CCDC144A: variants seen among roughly 807,000 people sequenced by gnomAD.
The protein encoded by CCDC144A is coiled-coil domain containing 144A.
CCDC144A carries 41 observed loss-of-function variants against 143.8 expected under a neutral mutation model. The observed-to-expected ratio is 0.29, with a 90% CI of 0.22 to 0.37. CCDC144A has a LOEUF of 0.37. Ranked by LOEUF, CCDC144A falls within the 10% of genes least tolerant of loss-of-function variation. CCDC144A has a pLI of 1.00. For synonymous variants in CCDC144A, 242 were observed against 517.9 expected (o/e 0.47, Z 7.23); for missense variants, 637 against 1,488.8 (o/e 0.43, Z 9.41).
Position 16,711,855 on chromosome 17 carries a change from A to T in CCDC144A, c.1715+40A>T, listed in dbSNP as rs1186017688. The T allele has an allele frequency of 1.2e-5, 19 of 1,573,180 alleles. No individual in the cohort carries two copies. The African/African-American group carries it at 2.2e-4, about 18-fold the overall frequency. On this transcript the variant is annotated intron_variant, in intron 6 of 16. Transcript: ENST00000399273. ...GCGTTTAACAGGAGACAATTGGTCA[A>T]GCGTGGTGGCTCACGCCTGTAATCC...
At chr17:16,686,935 G>T (rs1263477144), upstream of CCDC144A, among the ~76,000 whole-genome samples, 1 of 152,122 alleles carries the variant, frequency 6.6e-6, no homozygotes, top group Non-Finnish European at 1.5e-5. Context: ...GTGTGGAGGT[G>T]CAGGACCTGG....
rs779878298 is a variant in CCDC144A, at chr17:16,720,249, A to G, written c.1749+18A>G. 1.2e-5 allele frequency: 18 copies of G among 1,519,162 alleles called. No individual in the cohort carries two copies. In the African/African-American group the frequency reaches 2.5e-4, roughly 21 times the overall value. 94.1% of individuals were successfully genotyped at this position (1,519,162 alleles called of 1,614,324 possible). ...AGAACGAGGTATTGTAAAAAAGGAA[A>G]TGATCTAAAATATTGTTTTTAAAAA... On this transcript the variant is annotated intron_variant, in intron 7 of 16. Transcript: ENST00000399273.
At chr17:16,693,716 A>G (rs946204908) in intron 2 of CCDC144A, among the ~76,000 whole-genome samples, 2 of 151,996 alleles carry the variant, frequency 1.3e-5, no homozygotes, top group African/African-American at 4.8e-5. Context: ...TTTAATTTTT[A>G]AAATAAATGA....
intron 12 of CCDC144A, among the ~76,000 whole-genome samples, chr17:16,747,501 T>C (rs1351033141): frequency 6.6e-6 from 1 of 152,342 alleles, no homozygotes; most frequent in South Asian, 2.1e-4. Flanking sequence ...GTAGATTGCT[T>C]TGGGCAGTAT....
chr17:16,685,515 G>T (rs1190063244), upstream of CCDC144A, among the ~76,000 whole-genome samples: 3 of 151,840 alleles, frequency 2.0e-5, no homozygotes, highest in African/African-American at 7.3e-5. Context: ...TGAGTAACTG[G>T]GATTACAGGT....
chr17:16,684,165 A>G, the CCDC144A span: 1 of 1,145,202 alleles, frequency 8.7e-7, no homozygotes, highest in Non-Finnish European at 1.3e-6. Flanking sequence ...GCAGGGAAAG[A>G]GGTGATCAAC....
the CCDC144A span, among the ~76,000 whole-genome samples, chr17:16,669,432 T>C: frequency 6.6e-6 from 1 of 152,262 alleles, no homozygotes; most frequent in African/African-American, 2.4e-5. Context: ...AGGGCATTGA[T>C]AATGTGTACT....
At chr17:16,741,578 C>G (rs1231299961) in intron 12 of CCDC144A, among the ~76,000 whole-genome samples, 2 of 152,114 alleles carry the variant, frequency 1.3e-5, no homozygotes, top group Admixed American at 1.3e-4. Context: ...CACCCATAGT[C>G]TGTATATAGG....
At chr17:16,667,256 G>A in the CCDC144A span, 2 of 240,036 alleles carry the variant, frequency 8.3e-6, no homozygotes, top group Non-Finnish European at 1.6e-5. Context: ...TGAGGCGGCT[G>A]AGGCGGCTGA....
the CCDC144A span, among the ~76,000 whole-genome samples, chr17:16,681,918 G>T: frequency 6.6e-6 from 1 of 151,824 alleles, no homozygotes; most frequent in East Asian, 1.9e-4. Flanking sequence ...GCATACTGTG[G>T]TTGCTGTGTA....
chr17:16,750,405 A>G (rs1278059431), intron 12 of CCDC144A, among the ~76,000 whole-genome samples: 1 of 148,116 alleles, frequency 6.8e-6, no homozygotes, highest in Non-Finnish European at 1.5e-5. Flanking sequence ...TGCTGACAAC[A>G]GGCCCCACTT....
chr17:16,690,148 C>T, upstream of CCDC144A: 3 of 343,228 alleles, frequency 8.7e-6, no homozygotes. Flanking sequence ...TTCTGGGAGG[C>T]TGGAGCTGCA....
At chr17:16,769,131 C>A (rs1467739171) in intron 15 of CCDC144A, among the ~76,000 whole-genome samples, 1 of 152,076 alleles carries the variant, frequency 6.6e-6, no homozygotes, top group Non-Finnish European at 1.5e-5. Flanking sequence ...ATGCTTGACA[C>A]CCATCGCAGG....
chr17:16,766,901 TGTTAA>T (rs1915621648), intron 15 of CCDC144A: 1 of 83,814 alleles, frequency 1.2e-5, no homozygotes, highest in Non-Finnish European at 3.7e-5. Context: ...TTAAAGTTAA[TGTTAA>T]TGTAGTAGTT....
In CCDC144A at chr17:16,690,529, C is replaced by A. The variant is rs769731047; in HGVS notation, c.129C>A (p.Asp43Glu). ...GDQWYLGYPG[D>E]QWSSGFPYSW... ...AGTGGTACTTGGGCTACCCGGGGGA[C>A]CAGTGGTCCTCGGGCTTCCCCTACA... is the stretch of plus-strand genomic sequence containing the variant. The change falls in exon 1 of 17, where the codon GAC becomes GAA. Residue 43 changes from aspartate (D) to glutamate (E), a missense_variant. Asp to Glu is a conservative substitution (Grantham distance 45, BLOSUM62 2). Coordinates refer to ENST00000399273, the MANE Select transcript of CCDC144A (RefSeq NM_001382000.1). 4 of 1,613,590 alleles carry A rather than the reference C, an allele frequency of 2.5e-6. No homozygotes were observed. Among genetic ancestry groups the A allele is most frequent in the East Asian group, 4.5e-5 (2 of 44,868 alleles).
intron 2 of CCDC144A, among the ~76,000 whole-genome samples, chr17:16,698,665 T>C (rs1330931130): frequency 2.6e-5 from 4 of 152,166 alleles, no homozygotes; most frequent in Non-Finnish European, 2.9e-5. Flanking sequence ...CTTGATAGGC[T>C]CTTCTGAATG....
At chr17:16,753,342 C>A (rs1475167297) in intron 12 of CCDC144A, among the ~76,000 whole-genome samples, 2 of 150,204 alleles carry the variant, frequency 1.3e-5, no homozygotes, top group Admixed American at 1.3e-4. Flanking sequence ...GTAATAAGGT[C>A]ATTTAACCAA....
chr17:16,679,117 C>G, the CCDC144A span, among the ~76,000 whole-genome samples: 6 of 151,880 alleles, frequency 4.0e-5, no homozygotes, highest in South Asian at 1.3e-3. Flanking sequence ...GTTGCCCAAG[C>G]TGGTCTTGAA....
At chr17:16,675,330 C>A in the CCDC144A span, among the ~76,000 whole-genome samples, 1 of 147,602 alleles carries the variant, frequency 6.8e-6, no homozygotes. Flanking sequence ...AAAAAGTATT[C>A]AGGGATAAAG....
Sources: gnomAD v4.1 joint callset for allele counts (sites outside exome capture counted in the v4.1 genomes callset) on GRCh38, gnomAD v4.1.1 for gene constraint, MANE v1.5 for transcripts, NCBI Gene and HGNC (gene_info 2026-07-23, HGNC 2026-07-21) for gene names.